Variants in HIPK2 observed in about 807,000 individuals in gnomAD.
HIPK2 encodes homeodomain-interacting protein kinase 2.
HIPK2 carries 27 observed loss-of-function variants against 113.7 expected under a neutral mutation model. The ratio of observed to expected loss-of-function variants is 0.24; its 90% CI spans 0.17 to 0.33. The LOEUF (loss-of-function observed/expected upper bound fraction) is 0.33, where lower values mean the gene tolerates loss of function less well. Among genes scored for constraint, HIPK2 ranks in the 10% least tolerant of loss-of-function variants. The pLI is 1.00. For missense variants in HIPK2, 1,257 were observed against 1,588.0 expected (o/e 0.79, Z 3.54); for synonymous variants, 631 against 642.2 (o/e 0.98, Z 0.26).
chr7:139,753,146 G>T (rs1317141127), intron 1 of HIPK2, among the ~76,000 whole-genome samples: 1 of 152,158 alleles, frequency 6.6e-6, no homozygotes, highest in Non-Finnish European at 1.5e-5. Context: ...TGCACACAGT[G>T]GGCCCCCCAG....
chr7:139,754,574 T>G (rs1221006425), intron 1 of HIPK2, among the ~76,000 whole-genome samples: 1 of 152,238 alleles, frequency 6.6e-6, no homozygotes, highest in East Asian at 1.9e-4. Context: ...AGAGAGTGTG[T>G]GTGTGCAGTA....
At position 139,715,428 on chromosome 7, in the gene HIPK2, C is replaced by T. The variant is rs1795196268; in HGVS notation, c.1103+504G>A. Among the ~76,000 whole-genome samples, 3 of 152,284 alleles carry T rather than the reference C, an allele frequency of 2.0e-5. No homozygotes were observed. In the South Asian group the frequency reaches 6.2e-4, roughly 32 times the overall value. On this transcript the variant is annotated intron_variant, in intron 2 of 14. Coordinates refer to ENST00000406875, the MANE Select transcript of HIPK2 (RefSeq NM_022740.5). ...GTTACCTTATGTTGTTCAAGGTTTCCAGGGCTTGCTCTGGGTTTGAGGATA... is the reference window on the plus strand; with the variant it reads ...GTTACCTTATGTTGTTCAAGGTTTCTAGGGCTTGCTCTGGGTTTGAGGATA...
chr7:139,662,470 G>A (rs1801897452), intron 2 of HIPK2, among the ~76,000 whole-genome samples: 1 of 152,098 alleles, frequency 6.6e-6, no homozygotes, highest in South Asian at 2.1e-4. Context: ...TAAACCACTT[G>A]CCAAAGAAAT....
In HIPK2 at chr7:139,636,748, T is replaced by C. The variant is rs183457271; in HGVS notation, c.1104-5023A>G. On this transcript the variant is annotated intron_variant, in intron 2 of 14. Transcript: ENST00000406875. ...TTGTTTTAAGCCAGATATTTTGTGG[T>C]ACCTATTTCAGCAGCCCTAGGAAAC... Among the ~76,000 whole-genome samples the C allele has an allele frequency of 1.6e-4, 25 of 152,294 alleles. No individual in the cohort carries two copies. In the East Asian group the frequency reaches 3.9e-3, roughly 24 times the overall value.
chr7:139,609,503 G>A (rs963786895), intron 9 of HIPK2, among the ~76,000 whole-genome samples: 1 of 152,160 alleles, frequency 6.6e-6, no homozygotes, highest in African/African-American at 2.4e-5. Flanking sequence ...AGTATTTAGA[G>A]AAAAAGAACA....
At chr7:139,705,602 C>A (rs1794868122) in intron 2 of HIPK2, among the ~76,000 whole-genome samples, 1 of 152,104 alleles carries the variant, frequency 6.6e-6, no homozygotes, top group Non-Finnish European at 1.5e-5. Flanking sequence ...TGGTCTGGAT[C>A]TCCTGACCTC....
chr7:139,680,306 C>T (rs1802653539), intron 2 of HIPK2, among the ~76,000 whole-genome samples: 1 of 152,236 alleles, frequency 6.6e-6, no homozygotes, highest in Admixed American at 6.5e-5. Context: ...TTAACACCCT[C>T]CCCACAGCGT....
chr7:139,718,675 C>T (rs1795317539), intron 1 of HIPK2, among the ~76,000 whole-genome samples: 1 of 152,124 alleles, frequency 6.6e-6, no homozygotes, highest in South Asian at 2.1e-4. Flanking sequence ...TCCATTTCTC[C>T]CTGTACTTAA....
At chr7:139,737,929 A>G (rs1359745743) in intron 1 of HIPK2, among the ~76,000 whole-genome samples, 1 of 152,262 alleles carries the variant, frequency 6.6e-6, no homozygotes. Context: ...TTATTCAACC[A>G]GTGACAAAAG....
chr7:139,769,209 T>C (rs956905006), intron 1 of HIPK2, among the ~76,000 whole-genome samples: 1 of 140,880 alleles, frequency 7.1e-6, no homozygotes, highest in Non-Finnish European at 1.5e-5. Flanking sequence ...CGTGTTCTCC[T>C]GCACCACCCC....
intron 10 of HIPK2, among the ~76,000 whole-genome samples, chr7:139,601,095 T>A (rs923324500): frequency 6.6e-6 from 1 of 151,896 alleles, no homozygotes; most frequent in African/African-American, 2.4e-5. Context: ...ATACAAAAAA[T>A]TAGCTGGGCA....
At chr7:139,580,413 C>G (rs1798630241) in intron 13 of HIPK2, among the ~76,000 whole-genome samples, 1 of 152,168 alleles carries the variant, frequency 6.6e-6, no homozygotes, top group Non-Finnish European at 1.5e-5. Context: ...GGGAGGACGT[C>G]CTGAAGGGGA....
At chr7:139,686,368 T>C (rs552589411) in intron 2 of HIPK2, among the ~76,000 whole-genome samples, 2 of 152,344 alleles carry the variant, frequency 1.3e-5, no homozygotes, top group South Asian at 2.1e-4. Context: ...GCTGTGAATA[T>C]TGTTGAAATG....
At chr7:139,757,717 G>A (rs1796385683) in intron 1 of HIPK2, among the ~76,000 whole-genome samples, 1 of 152,152 alleles carries the variant, frequency 6.6e-6, no homozygotes. Context: ...GGGAATGACT[G>A]CTAATGGGTA....
In HIPK2 at chr7:139,622,813, C is replaced by T. The variant is rs1012221660; in HGVS notation, c.1620-2250G>A. 3.3e-5 allele frequency among the ~76,000 whole-genome samples: 5 copies of T among 152,216 alleles called. No homozygotes were observed. The East Asian group carries it at 7.7e-4, about 23-fold the overall frequency. ...CAGAGACCCACCTTTCCTTCTTAGG[C>T]TAATTTCTGAGTTCTGACTTGTCAG... On this transcript the variant is annotated intron_variant, in intron 6 of 14. Coordinates refer to ENST00000406875, the MANE Select transcript of HIPK2 (RefSeq NM_022740.5).
rs1013832745 is a variant in HIPK2 at position 139,714,217 on chromosome 7, A to G, written c.1103+1715T>C. Among the ~76,000 whole-genome samples the G allele has an allele frequency of 6.6e-6, 1 of 152,212 alleles. No homozygotes were observed. The highest frequency in any genetic ancestry group is 2.1e-4 in the South Asian group (1 of 4,834). On this transcript the variant is annotated intron_variant, in intron 2 of 14. Coordinates refer to ENST00000406875, the MANE Select transcript of HIPK2 (RefSeq NM_022740.5). This position sits in a 1 kb window ranked among gnomAD's most constrained non-coding sequence, Gnocchi z 4.2. ...GAATCCTCAGGGCAGGGCAGAGAAG[A>G]GGCTCGCAGAGAGCTGTTCTAACTC...
At chr7:139,622,469 A>G (rs907800903) in intron 6 of HIPK2, among the ~76,000 whole-genome samples, 1 of 152,238 alleles carries the variant, frequency 6.6e-6, no homozygotes, top group African/African-American at 2.4e-5. Flanking sequence ...AATTCAACAC[A>G]AAATTTCCAT....
chr7:139,577,604 T>C (rs1248271340), intron 13 of HIPK2, among the ~76,000 whole-genome samples: 1 of 152,186 alleles, frequency 6.6e-6, no homozygotes, highest in African/African-American at 2.4e-5. Flanking sequence ...GCCTGAAGAC[T>C]GTGTGGTTTG....
chr7:139,758,556 G>C (rs1796399264), intron 1 of HIPK2, among the ~76,000 whole-genome samples: 1 of 152,192 alleles, frequency 6.6e-6, no homozygotes, highest in African/African-American at 2.4e-5. Context: ...CAGGAGGTGA[G>C]TGGCAGGTGA....
Sources: gnomAD v4.1 joint callset for allele counts (sites outside exome capture counted in the v4.1 genomes callset) on GRCh38, gnomAD v4.1.1 for gene constraint, Gnocchi (gnomAD v3.1) non-coding constraint, MANE v1.5 for transcripts, NCBI Gene and HGNC (gene_info 2026-07-23, HGNC 2026-07-21) for gene names.